DNAH12: variants seen among roughly 807,000 people sequenced by gnomAD.
DNAH12 encodes the protein axonemal beta dynein heavy chain 12.
Under a neutral mutation model 371.5 loss-of-function variants are expected in DNAH12, and 285 were observed. That is an observed-to-expected ratio of 0.77 (90% CI 0.70 to 0.85). The LOEUF (loss-of-function observed/expected upper bound fraction) is 0.85. DNAH12 is among the 40% of genes least tolerant of loss of function. The pLI, the probability that DNAH12 is intolerant of heterozygous loss-of-function variation, is 0.00. For synonymous variants in DNAH12, 1,200 were observed against 1,213.0 expected (o/e 0.99, Z 0.22); for missense variants, 3,611 against 3,689.4 (o/e 0.98, Z 0.55).
intron 65 of DNAH12, among the ~76,000 whole-genome samples, chr3:57,318,054 A>G (rs72877660): frequency 0.01 from 1,569 of 152,180 alleles, 19 homozygotes; most frequent in African/African-American, 0.03. Context: ...TTCCATATAT[A>G]TTTTGGAAAT....
intron 4 of DNAH12, among the ~76,000 whole-genome samples, chr3:57,522,249 G>T (rs1247949563): frequency 6.6e-6 from 1 of 151,830 alleles, no homozygotes; most frequent in African/African-American, 2.4e-5. Flanking sequence ...ATAAATAAAA[G>T]AAAAAATATC....
At chr3:57,537,610 A>G (rs1264139688) in intron 2 of DNAH12, among the ~76,000 whole-genome samples, 4 of 152,074 alleles carry the variant, frequency 2.6e-5, no homozygotes, top group African/African-American at 9.7e-5. Flanking sequence ...GTCCATGGCC[A>G]CCCAGAAAGA....
chr3:57,519,992 C>A (rs891661794), intron 4 of DNAH12: 1 of 789,016 alleles, frequency 1.3e-6, no homozygotes, highest in Admixed American at 2.0e-5. Context: ...GGTTCCTCGC[C>A]GTCTTCCACG....
intron 2 of DNAH12, among the ~76,000 whole-genome samples, chr3:57,532,812 A>G (rs2068896504): frequency 6.6e-6 from 1 of 152,162 alleles, no homozygotes; most frequent in Non-Finnish European, 1.5e-5. Context: ...GGTCTTGCCC[A>G]AGACCCACTG....
At chr3:57,324,344 C>G (rs1356651917) in intron 62 of DNAH12, among the ~76,000 whole-genome samples, 1 of 152,172 alleles carries the variant, frequency 6.6e-6, no homozygotes, top group African/African-American at 2.4e-5. Flanking sequence ...CAAATTATAA[C>G]TATACTTAGA....
chr3:57,341,524 G>A (rs2062397269), intron 60 of DNAH12, among the ~76,000 whole-genome samples: 1 of 151,694 alleles, frequency 6.6e-6, no homozygotes, highest in African/African-American at 2.4e-5. Flanking sequence ...AAATACCTAG[G>A]AATAAATTTA....
chr3:57,404,180 A>G (rs1553680153), intron 42 of DNAH12, among the ~76,000 whole-genome samples: 4 of 152,202 alleles, frequency 2.6e-5, no homozygotes, highest in Non-Finnish European at 4.4e-5. Context: ...TTTTTATAAT[A>G]GCAAAAACTA....
intron 45 of DNAH12, among the ~76,000 whole-genome samples, chr3:57,388,561 A>G (rs2063542759): frequency 0.01 from 1 of 100 alleles, no homozygotes; most frequent in Non-Finnish European, 0.024. Context: ...TATATTTTAA[A>G]TCTAAAAAAG....
At position 57,501,341 on chromosome 3, in the gene DNAH12, T is replaced by C; in HGVS notation, c.1315A>G (p.Thr439Ala). The C allele has an allele frequency of 4.4e-6, 7 of 1,597,584 alleles. No homozygotes were observed. Among genetic ancestry groups the C allele is most frequent in the Non-Finnish European group, 6.0e-6 (7 of 1,175,432 alleles). Reference protein sequence around the residue: ...NIETFQTEDHTFDEYTEFIEK... With the variant: ...NIETFQTEDHAFDEYTEFIEK... Reference sequence around the variant, plus strand: ...CTTACCTCTGTATATTCATCAAAAGTATGATCTTCTGTCTGAAAAGTCTCT... The same window carrying C: ...CTTACCTCTGTATATTCATCAAAAGCATGATCTTCTGTCTGAAAAGTCTCT... Residue 439 changes from threonine (T) to alanine (A), a missense_variant, in exon 11 of 74, where the codon ACT becomes GCT. Physicochemically the swap from Thr to Ala is moderately conservative, Grantham distance 58 (BLOSUM62 0). Transcript: ENST00000495027.
intron 38 of DNAH12, 21 bp downstream of exon 38, chr3:57,415,405 C>A: frequency 6.5e-7 from 1 of 1,543,958 alleles, no homozygotes; most frequent in Non-Finnish European, 8.7e-7. Flanking sequence ...GATAGACCCC[C>A]ATTTCTGTCT....
Position 57,385,719 on chromosome 3 carries a change from T to C in DNAH12, c.7603-290A>G, listed in dbSNP as rs1023755259. Among the ~76,000 whole-genome samples the C allele has an allele frequency of 1.5e-4, 23 of 152,218 alleles. No individual in the cohort carries two copies. The South Asian group carries it at 4.4e-3, about 29-fold the overall frequency. The stretch of plus-strand genomic sequence containing the variant: ...GAACATGGTGAAATCCCATCTCTAC[T>C]AAAAATAAAAATATTTGCCAGGCGT... On this transcript the variant is annotated intron_variant, in intron 47 of 73. Coordinates refer to ENST00000495027, the MANE Select transcript of DNAH12 (RefSeq NM_001366028.2).
chr3:57,368,469 C>T (rs1388388140), intron 55 of DNAH12, among the ~76,000 whole-genome samples: 1 of 150,556 alleles, frequency 6.6e-6, no homozygotes, highest in East Asian at 1.9e-4. Context: ...GAAATTCAGT[C>T]TCAGGAAGTA....
chr3:57,315,858 G>C (rs2061673767), intron 65 of DNAH12, among the ~76,000 whole-genome samples: 1 of 152,104 alleles, frequency 6.6e-6, no homozygotes, highest in South Asian at 2.1e-4. Flanking sequence ...GTGTCTACAG[G>C]CGAAGAAGGC....
chr3:57,521,812 G>A (rs1160389472), intron 4 of DNAH12, among the ~76,000 whole-genome samples: 7 of 152,060 alleles, frequency 4.6e-5, no homozygotes, highest in Non-Finnish European at 8.8e-5. Context: ...GCTTGAACCC[G>A]GGAGACAGAG....
chr3:57,394,934 T>C (rs2063705645), intron 43 of DNAH12, among the ~76,000 whole-genome samples: 1 of 152,184 alleles, frequency 6.6e-6, no homozygotes, highest in Admixed American at 6.5e-5. Context: ...AGCTGACTTG[T>C]ATAGGCTTGT....
Position 57,485,818 on chromosome 3 carries a change from A to T in DNAH12, c.1515-2307T>A, listed in dbSNP as rs551515018. On this transcript the variant is annotated intron_variant, in intron 12 of 73. Transcript: ENST00000495027. ...AAGAGTAATATAATGGACTTCGGGG[A>T]CTCGGTGTGGGGAAGGCTGAGAGGC... 2.0e-5 allele frequency among the ~76,000 whole-genome samples: 3 copies of T among 152,216 alleles called. No homozygotes were observed. The South Asian group carries it at 6.2e-4, about 32-fold the overall frequency.
At chr3:57,447,017 A>G (rs2065526236) in intron 25 of DNAH12, among the ~76,000 whole-genome samples, 1 of 152,192 alleles carries the variant, frequency 6.6e-6, no homozygotes, top group Non-Finnish European at 1.5e-5. Flanking sequence ...TGTGGAGGAC[A>G]ATAATGACAC....
intron 49 of DNAH12, among the ~76,000 whole-genome samples, chr3:57,383,633 G>T (rs1258816430): frequency 1.7e-5 from 2 of 118,062 alleles, no homozygotes; most frequent in African/African-American, 6.4e-5. Context: ...TGTAGTCCCA[G>T]CTACTCAGGA....
At chr3:57,322,951 TAA>T (rs1201076968) in intron 64 of DNAH12, 54 bp downstream of exon 64, 12 of 1,519,174 alleles carry the variant, frequency 7.9e-6, no homozygotes, top group Non-Finnish European at 1.1e-5. Context: ...ACAAAACAAA[TAA>T]GATATACAGA....
Sources: allele counts gnomAD v4.1 joint callset (sites outside exome capture counted in the v4.1 genomes callset), GRCh38; gene constraint gnomAD v4.1.1; transcripts MANE v1.5; gene names NCBI Gene and HGNC (gene_info 2026-07-23, HGNC 2026-07-21).